MTMR8: variants seen among roughly 807,000 people sequenced by gnomAD.
MTMR8 encodes the protein phosphatidylinositol-3,5-bisphosphate 3-phosphatase MTMR8.
Under a neutral mutation model 39.3 loss-of-function variants are expected in MTMR8, and 65 were observed. The observed-to-expected ratio is 1.65, with a 90% CI of 1.35 to 2.03. The LOEUF is 2.03. Among genes scored for constraint, MTMR8 ranks in the 30% most tolerant of loss-of-function variants. MTMR8 has a pLI of 0.00. For synonymous variants in MTMR8, 245 were observed against 185.2 expected (o/e 1.32, Z -2.62); for missense variants, 777 against 538.9 (o/e 1.44, Z -4.37).
At chrX:64,317,395 G>A (rs149075934) in intron 12 of MTMR8, among the ~76,000 whole-genome samples, 1,516 of 109,811 alleles carry the variant, frequency 0.014, 7 homozygotes, top group Non-Finnish European at 0.018. Flanking sequence ...TATTTTTTTC[G>A]TCAGTTTTCT....
intron 1 of MTMR8, among the ~76,000 whole-genome samples, chrX:64,381,222 G>C (rs1924408817): frequency 1.8e-5 from 2 of 111,724 alleles, no homozygotes; most frequent in Non-Finnish European, 3.8e-5. Context: ...CAGTGTAAAA[G>C]TGTTCCTATT....
At chrX:64,362,943 A>G (rs748901206) in intron 1 of MTMR8, among the ~76,000 whole-genome samples, 1 of 111,522 alleles carries the variant, frequency 9.0e-6, no homozygotes, top group Admixed American at 9.5e-5. Flanking sequence ...GGCAAGTTGC[A>G]TAAGAGGCAA....
chrX:64,362,035 G>A (rs777747798), intron 1 of MTMR8, among the ~76,000 whole-genome samples: 5 of 110,014 alleles, frequency 4.5e-5, no homozygotes, highest in South Asian at 3.9e-4. Context: ...TATCAGCAAC[G>A]ATCACTTAAA....
chrX:64,347,737 G>A (rs1021600637), intron 6 of MTMR8, among the ~76,000 whole-genome samples: 15 of 112,412 alleles, frequency 1.3e-4, no homozygotes, highest in African/African-American at 4.8e-4. Flanking sequence ...GGGGCTGTTT[G>A]TAAAAAGGAC....
chrX:64,362,464 T>C (rs2048742355), intron 1 of MTMR8, among the ~76,000 whole-genome samples: 1 of 18,968 alleles, frequency 5.3e-5, no homozygotes, highest in Admixed American at 7.0e-4. Context: ...CCTCTAGTAC[T>C]ATTGCAGAAA....
At chrX:64,284,184 C>T (rs983254265) in intron 12 of MTMR8, among the ~76,000 whole-genome samples, 1 of 112,100 alleles carries the variant, frequency 8.9e-6, no homozygotes, top group Non-Finnish European at 1.9e-5. Flanking sequence ...TACGCACAAG[C>T]TTCAGTAGAT....
chrX:64,276,617 T>C (rs1172745521), intron 12 of MTMR8, among the ~76,000 whole-genome samples: 1 of 112,195 alleles, frequency 8.9e-6, no homozygotes, highest in Non-Finnish European at 1.9e-5. Context: ...TCCTGAGTTC[T>C]AAATTGATTG....
chrX:64,341,614 G>T (rs944958938), intron 8 of MTMR8, among the ~76,000 whole-genome samples: 3 of 111,009 alleles, frequency 2.7e-5, no homozygotes, highest in African/African-American at 9.8e-5. Flanking sequence ...GCCACCTATA[G>T]CTACTTAAAT....
In MTMR8 at chrX:64,268,453, T is replaced by A; in HGVS notation, c.*84A>T. On this transcript the variant is annotated 3_prime_UTR_variant, in exon 14 of 14. Transcript: ENST00000374852. ...CCCTGGCTTCACCCACTTAAACCAA[T>A]TGGAAAAGCAGCATAGCCCTCTCTG... is the stretch of plus-strand genomic sequence containing the variant. 4 of 1,110,440 alleles carry A rather than the reference T, an allele frequency of 3.6e-6. No individual in the cohort carries two copies. The South Asian group carries it at 8.7e-5, about 24-fold the overall frequency. 91.5% of individuals were successfully genotyped at this position (1,110,440 alleles called of 1,213,427 possible). A position where few individuals can be genotyped will look rare whatever the true frequency, so the allele number is the denominator to read the frequency against.
At chrX:64,295,878 G>A (rs902973893) in intron 12 of MTMR8, among the ~76,000 whole-genome samples, 3 of 111,927 alleles carry the variant, frequency 2.7e-5, no homozygotes, top group Non-Finnish European at 5.6e-5. Context: ...AAATGGCACA[G>A]CCACTGTGGA....
At chrX:64,283,251 C>G (rs1209578966) in intron 12 of MTMR8, among the ~76,000 whole-genome samples, 1 of 111,886 alleles carries the variant, frequency 8.9e-6, no homozygotes, top group Admixed American at 9.5e-5. Context: ...TGAGATGGAA[C>G]TGCAAGGCAG....
chrX:64,335,720 C>T (rs1249987899), intron 10 of MTMR8, among the ~76,000 whole-genome samples: 2 of 111,904 alleles, frequency 1.8e-5, no homozygotes, highest in African/African-American at 3.2e-5. Flanking sequence ...TGTTAAATTT[C>T]TATTCATTTC....
chrX:64,306,368 A>C (rs1168331464), intron 12 of MTMR8: 2 of 227,262 alleles, frequency 8.8e-6, no homozygotes, highest in Non-Finnish European at 1.8e-5. Flanking sequence ...AAGCATTGTC[A>C]TCTCTTTCAA....
chrX:64,277,752 T>C (rs2147128306), intron 12 of MTMR8, among the ~76,000 whole-genome samples: 1 of 111,319 alleles, frequency 9.0e-6, no homozygotes, highest in African/African-American at 3.3e-5. Context: ...TGTTCTCTTA[T>C]TTCCTGGATT....
At chrX:64,270,316 T>G (rs1360037320) in intron 13 of MTMR8, among the ~76,000 whole-genome samples, 1 of 112,292 alleles carries the variant, frequency 8.9e-6, no homozygotes, top group Non-Finnish European at 1.9e-5. Context: ...TGGCTTAAAG[T>G]GGGTTCACAC....
intron 12 of MTMR8, among the ~76,000 whole-genome samples, chrX:64,302,214 C>G (rs766652352): frequency 2.7e-5 from 3 of 112,455 alleles, no homozygotes; most frequent in African/African-American, 9.7e-5. Context: ...TAGCAATCAG[C>G]GAGATTCCGC....
chrX:64,269,038 T>C lies in MTMR8; in HGVS notation c.1614A>G (p.Leu538=). Residue 538 remains leucine, a synonymous_variant, in exon 14 of 14, where the codon CTA becomes CTG. Coordinates refer to ENST00000374852, the MANE Select transcript of MTMR8 (RefSeq NM_017677.4). ...ETDVHELEKK[L]KVRDEPPEEI... ...CTTCTGGTGGCTCATCACGGACTTT[T>C]AGTTTCTGCCTCAGGAGCAAGAAAG... 8.3e-7 allele frequency: 1 copy of C among 1,207,275 alleles called. No homozygotes were observed. The highest frequency in any genetic ancestry group is 1.1e-6 in the Non-Finnish European group (1 of 893,399).
At chrX:64,352,094 C>A (rs148847906) in intron 4 of MTMR8, among the ~76,000 whole-genome samples, 2 of 111,887 alleles carry the variant, frequency 1.8e-5, no homozygotes, top group Non-Finnish European at 3.8e-5. Context: ...TCCTGAACAC[C>A]TGCCTTCCTT....
chrX:64,309,469 A>AC (rs985710325), intron 12 of MTMR8, among the ~76,000 whole-genome samples: 8 of 111,616 alleles, frequency 7.2e-5, no homozygotes, highest in African/African-American at 2.6e-4. Context: ...TGCAAAAAAA[A>AC]ACAGTTGTTC....
Sources: allele counts gnomAD v4.1 joint callset (sites outside exome capture counted in the v4.1 genomes callset), GRCh38; gene constraint gnomAD v4.1.1; transcripts MANE v1.5; gene names NCBI Gene and HGNC (gene_info 2026-07-23, HGNC 2026-07-21).